Variants in SGCD observed in about 807,000 individuals in gnomAD.
SGCD encodes delta-sarcoglycan.
In SGCD, 18 loss-of-function variants were observed where a neutral mutation model predicts 36.6. The observed-to-expected ratio is 0.49, with a 90% CI of 0.34 to 0.73. SGCD has a LOEUF of 0.73. Ranked by LOEUF, SGCD falls within the 30% of genes least tolerant of loss-of-function variation. SGCD has a pLI of 0.01. For synonymous variants in SGCD, 133 were observed against 130.6 expected (o/e 1.02, Z -0.12); for missense variants, 387 against 346.7 (o/e 1.12, Z -0.92).
chr5:156,024,912 C>T (rs936559497), intron 1 of SGCD, among the ~76,000 whole-genome samples: 4 of 149,786 alleles, frequency 2.7e-5, no homozygotes, highest in Non-Finnish European at 4.4e-5. Context: ...GAGCCGAGAT[C>T]GTGCCACTGC....
At chr5:156,496,433 CGTAA>C (rs1017316982) in intron 3 of SGCD, among the ~76,000 whole-genome samples, 14 of 152,108 alleles carry the variant, frequency 9.2e-5, no homozygotes, top group African/African-American at 3.1e-4. Context: ...TACTGGGCTG[CGTAA>C]GTAGTATCTA....
chr5:156,171,669 A>T (rs1763349872), intron 3 of SGCD, among the ~76,000 whole-genome samples: 1 of 152,364 alleles, frequency 6.6e-6, no homozygotes, highest in Admixed American at 6.5e-5. Flanking sequence ...ATAGGCATAC[A>T]GTAGCACACT....
intron 7 of SGCD, among the ~76,000 whole-genome samples, chr5:156,713,400 T>G (rs1204932523): frequency 7.2e-6 from 1 of 139,442 alleles, no homozygotes; most frequent in Non-Finnish European, 1.5e-5. Context: ...AATATGGACT[T>G]TGAACATGTC....
At chr5:156,605,966 T>G (rs1761425770) in intron 6 of SGCD, among the ~76,000 whole-genome samples, 2 of 152,210 alleles carry the variant, frequency 1.3e-5, no homozygotes, top group Non-Finnish European at 2.9e-5. Context: ...GATGAGTAGA[T>G]TGCAAATATT....
At chr5:155,806,238 T>C in the SGCD span, among the ~76,000 whole-genome samples, 5,926 of 152,290 alleles carry the variant, frequency 0.039, 234 homozygotes, top group African/African-American at 0.098. Flanking sequence ...CACCGCCACC[T>C]CCGCCTCCTG....
chr5:156,749,680 A>G (rs534000164), intron 7 of SGCD, among the ~76,000 whole-genome samples: 46 of 152,188 alleles, frequency 3.0e-4, no homozygotes, highest in Non-Finnish European at 5.7e-4. Context: ...AGACTTTGTC[A>G]ACAAATTTAA....
At chr5:155,820,328 C>A in the SGCD span, among the ~76,000 whole-genome samples, 35 of 152,116 alleles carry the variant, frequency 2.3e-4, no homozygotes, top group Non-Finnish European at 5.0e-4. Flanking sequence ...AAGGTCTTGT[C>A]TTCAATCTAT....
rs59107352 is a variant in SGCD at position 156,350,247 on chromosome 5, T to TTATATATATA, written c.192+5578_192+5587dup. ...CTCTAAAGCTATTGAGGAAAAAAAATTATATATATATATATATGTACACAC... is the reference window on the plus strand; with the variant it reads ...CTCTAAAGCTATTGAGGAAAAAAAATTATATATATATATATATATATATATATGTACACAC... On this transcript the variant is annotated intron_variant, in intron 3 of 8. Transcript: ENST00000337851. 2.3e-3 allele frequency among the ~76,000 whole-genome samples: 225 copies of TTATATATATA among 95,842 alleles called. 42 individuals carry two copies. In the East Asian group the frequency reaches 0.058, roughly 25 times the overall value. The allele number at this position is 95,842 out of a possible 152,430, so 62.9% of individuals were successfully genotyped here.
At chr5:155,951,215 A>G (rs999579453) in intron 1 of SGCD, among the ~76,000 whole-genome samples, 3 of 152,158 alleles carry the variant, frequency 2.0e-5, no homozygotes, top group Admixed American at 6.6e-5. Flanking sequence ...TGCCATATTC[A>G]CTGAAAGACA....
At chr5:156,668,284 A>C (rs917450443) in intron 7 of SGCD, among the ~76,000 whole-genome samples, 1 of 152,200 alleles carries the variant, frequency 6.6e-6, no homozygotes, top group African/African-American at 2.4e-5. Flanking sequence ...CCAAATATTT[A>C]TGTAGCTTTT....
intron 7 of SGCD, among the ~76,000 whole-genome samples, chr5:156,720,102 A>C (rs545228270): frequency 6.6e-6 from 1 of 152,304 alleles, no homozygotes; most frequent in East Asian, 1.9e-4. Context: ...GAACTTTCAG[A>C]TGCCACAAGG....
At chr5:156,140,963 G>C (rs572974288) in intron 3 of SGCD, among the ~76,000 whole-genome samples, 19 of 152,158 alleles carry the variant, frequency 1.2e-4, no homozygotes, top group East Asian at 5.8e-4. Flanking sequence ...TAAGAGGGGG[G>C]GCCCAGGAGG....
intron 3 of SGCD, among the ~76,000 whole-genome samples, chr5:156,146,019 C>T (rs1450476984): frequency 1.3e-5 from 2 of 152,116 alleles, no homozygotes; most frequent in Non-Finnish European, 2.9e-5. Context: ...CGAGACCATC[C>T]TGGCTAACAT....
chr5:156,532,733 T>A (rs1357182391), intron 4 of SGCD, among the ~76,000 whole-genome samples: 1 of 152,234 alleles, frequency 6.6e-6, no homozygotes, highest in Non-Finnish European at 1.5e-5. Flanking sequence ...AGTGCTGGGA[T>A]TATAGGCGTG....
intron 3 of SGCD, among the ~76,000 whole-genome samples, chr5:156,350,467 T>A (rs1243118244): frequency 6.6e-6 from 1 of 151,890 alleles, no homozygotes; most frequent in Non-Finnish European, 1.5e-5. Context: ...GGAATTTTAC[T>A]TTTTTTGTCA....
intron 3 of SGCD, among the ~76,000 whole-genome samples, chr5:156,492,443 A>G (rs1581071043): frequency 6.6e-6 from 1 of 152,154 alleles, no homozygotes; most frequent in Non-Finnish European, 1.5e-5. Context: ...GCAAAAATCA[A>G]TATTTCGATT....
chr5:156,505,569 G>A (rs1171764671), intron 3 of SGCD, among the ~76,000 whole-genome samples: 1 of 152,202 alleles, frequency 6.6e-6, no homozygotes, highest in Non-Finnish European at 1.5e-5. Flanking sequence ...ACTAGAGACT[G>A]TATGGTGTGT....
intron 4 of SGCD, among the ~76,000 whole-genome samples, chr5:156,578,813 GTA>G (rs1561791595): frequency 2.0e-5 from 3 of 151,942 alleles, no homozygotes; most frequent in African/African-American, 2.4e-5. Context: ...CTTTTCTTCT[GTA>G]TTAGTCTTGC....
At chr5:156,700,300 A>G (rs1194846973) in intron 7 of SGCD, among the ~76,000 whole-genome samples, 1 of 152,104 alleles carries the variant, frequency 6.6e-6, no homozygotes, top group Non-Finnish European at 1.5e-5. Flanking sequence ...GCTACTGCAT[A>G]CCTCTCCTTT....
Sources: gnomAD v4.1 joint callset for allele counts (sites outside exome capture counted in the v4.1 genomes callset) on GRCh38, gnomAD v4.1.1 for gene constraint, MANE v1.5 for transcripts, NCBI Gene and HGNC (gene_info 2026-07-23, HGNC 2026-07-21) for gene names.